UBTD1: variants seen among roughly 807,000 people sequenced by gnomAD.
The protein encoded by UBTD1 is ubiquitin domain-containing protein 1.
In UBTD1, 19 loss-of-function variants were observed where a neutral mutation model predicts 21.7. That is an observed-to-expected ratio of 0.87 (90% CI 0.61 to 1.28). The LOEUF (loss-of-function observed/expected upper bound fraction) is 1.28, where lower values mean the gene tolerates loss of function less well. Among genes scored for constraint, UBTD1 ranks in the 50% most tolerant of loss-of-function variants. UBTD1 has a pLI of 0.00. For synonymous variants in UBTD1, 116 were observed against 135.1 expected (o/e 0.86, Z 0.98); for missense variants, 282 against 315.1 (o/e 0.89, Z 0.80).
At chr10:97,520,978 A>G (rs2040464743) in intron 1 of UBTD1, among the ~76,000 whole-genome samples, 1 of 152,044 alleles carries the variant, frequency 6.6e-6, no homozygotes. Context: ...TATCTCTTCC[A>G]CAATGTTCTA....
chr10:97,546,980 C>T (rs1227915351), intron 1 of UBTD1, among the ~76,000 whole-genome samples: 1 of 152,152 alleles, frequency 6.6e-6, no homozygotes, highest in Non-Finnish European at 1.5e-5. Flanking sequence ...CAAGTCACAT[C>T]ACCTTTCAGC....
Position 97,499,080 on chromosome 10 carries a change from CG to C in UBTD1, c.-118del. On this transcript the variant is annotated 5_prime_UTR_variant, in exon 1 of 3. Transcript: ENST00000370664. Reference sequence around the variant, plus strand: ...CCATCGCTGGGGCTGAGCGCGCCCCCGGGGGGAGATCGGGGAGCGCCCGATG... The same window carrying C: ...CCATCGCTGGGGCTGAGCGCGCCCCCGGGGGAGATCGGGGAGCGCCCGATG... 3.5e-6 allele frequency: 4 copies of C among 1,133,830 alleles called. No individual in the cohort carries two copies. The highest frequency in any genetic ancestry group is 1.2e-6 in the Non-Finnish European group (1 of 823,472). 70.2% of individuals were successfully genotyped at this position (1,133,830 alleles called of 1,614,324 possible).
intron 2 of UBTD1, 35 bp downstream of exon 2, chr10:97,568,176 G>A (rs767820232): frequency 1.2e-6 from 2 of 1,607,010 alleles, no homozygotes; most frequent in Admixed American, 1.7e-5. Flanking sequence ...ATCCCCGCTG[G>A]AGCTAGGGGG....
At chr10:97,513,422 C>T (rs1388263626) in intron 1 of UBTD1, among the ~76,000 whole-genome samples, 3 of 152,078 alleles carry the variant, frequency 2.0e-5, no homozygotes, top group Non-Finnish European at 2.9e-5. Flanking sequence ...TGAGAGAGGT[C>T]CCTGGGAGCT....
At chr10:97,542,076 CCT>C (rs1163405007) in intron 1 of UBTD1, among the ~76,000 whole-genome samples, 1 of 152,182 alleles carries the variant, frequency 6.6e-6, no homozygotes, top group Non-Finnish European at 1.5e-5. Flanking sequence ...TGTTCCAAAG[CCT>C]CTGAGTTGTC....
chr10:97,565,976 A>G (rs2040715306), intron 1 of UBTD1, among the ~76,000 whole-genome samples: 1 of 152,118 alleles, frequency 6.6e-6, no homozygotes, highest in Non-Finnish European at 1.5e-5. Flanking sequence ...GACCTCCCAA[A>G]GTGCTGGGAC....
intron 1 of UBTD1, among the ~76,000 whole-genome samples, chr10:97,517,724 C>A (rs1298955787): frequency 6.6e-6 from 1 of 152,156 alleles, no homozygotes; most frequent in Non-Finnish European, 1.5e-5. Flanking sequence ...AGGCCGGTGA[C>A]CCTGCTGCCA....
At chr10:97,525,871 G>A (rs1201381696) in intron 1 of UBTD1, among the ~76,000 whole-genome samples, 1 of 152,194 alleles carries the variant, frequency 6.6e-6, no homozygotes, top group Admixed American at 6.5e-5. Context: ...ATGTGGTAAT[G>A]TGGACTGAAG....
rs114437857 is a variant in UBTD1, at chr10:97,512,077, C to T, written c.70+12804C>T. Among the ~76,000 whole-genome samples, 1,051 of 152,280 alleles carry T rather than the reference C, an allele frequency of 6.9e-3. 15 individuals are homozygous for T. Among genetic ancestry groups the T allele is most frequent in the African/African-American group, 0.024 (1,001 of 41,538 alleles). On this transcript the variant is annotated intron_variant, in intron 1 of 2. Coordinates refer to ENST00000370664, the MANE Select transcript of UBTD1 (RefSeq NM_024954.5). ...CCAGCTACTGTGTTGGGGAGGGGAA[C>T]ACAGCATGGAGAGTCAGTTCATCTC...
intron 1 of UBTD1, among the ~76,000 whole-genome samples, chr10:97,517,047 G>A (rs978799959): frequency 1.3e-5 from 2 of 152,216 alleles, no homozygotes; most frequent in Admixed American, 6.5e-5. Flanking sequence ...GATGACAGGG[G>A]TAGCTGGGAA....
intron 1 of UBTD1, among the ~76,000 whole-genome samples, chr10:97,543,477 C>T (rs748057188): frequency 4.6e-5 from 7 of 152,164 alleles, no homozygotes; most frequent in African/African-American, 1.4e-4. Flanking sequence ...TCCCAGGACT[C>T]GGCATGTTAG....
chr10:97,566,405 A>G (rs2040717271), intron 1 of UBTD1, among the ~76,000 whole-genome samples: 1 of 152,058 alleles, frequency 6.6e-6, no homozygotes, highest in African/African-American at 2.4e-5. Flanking sequence ...TCACCACCCC[A>G]GGAACACTTT....
At chr10:97,567,870 A>C in intron 1 of UBTD1, 44 bp from the exon 2 acceptor site, 1 of 1,601,862 alleles carries the variant, frequency 6.2e-7, no homozygotes, top group East Asian at 2.2e-5. Context: ...GTTGCAGCTC[A>C]AGTGGCTTTA....
chr10:97,545,066 G>A (rs2040602768), intron 1 of UBTD1, among the ~76,000 whole-genome samples: 1 of 151,922 alleles, frequency 6.6e-6, no homozygotes, highest in Non-Finnish European at 1.5e-5. Context: ...CAAGCATGGT[G>A]GCTCACACCT....
At chr10:97,563,484 G>C (rs919599625) in intron 1 of UBTD1, among the ~76,000 whole-genome samples, 14 of 152,272 alleles carry the variant, frequency 9.2e-5, no homozygotes, top group Non-Finnish European at 1.6e-4. Context: ...TGATAGTGTG[G>C]TGGAGATAGG....
intron 1 of UBTD1, among the ~76,000 whole-genome samples, chr10:97,535,369 A>C (rs181949835): frequency 2.2e-4 from 34 of 152,332 alleles, no homozygotes; most frequent in African/African-American, 8.2e-4. Context: ...TAATCCCAGC[A>C]CTTTGGGAGG....
chr10:97,535,177 C>G (rs1016240720), intron 1 of UBTD1, among the ~76,000 whole-genome samples: 1 of 152,236 alleles, frequency 6.6e-6, no homozygotes, highest in Non-Finnish European at 1.5e-5. Flanking sequence ...GCATCACCAT[C>G]CAGGTTGGCC....
At chr10:97,550,262 T>C (rs2040630698) in intron 1 of UBTD1, among the ~76,000 whole-genome samples, 1 of 152,192 alleles carries the variant, frequency 6.6e-6, no homozygotes, top group South Asian at 2.1e-4. Flanking sequence ...CAGAACTTGG[T>C]AACCGAGTGT....
intron 1 of UBTD1, among the ~76,000 whole-genome samples, chr10:97,507,715 G>T (rs1305873142): frequency 6.9e-6 from 1 of 145,744 alleles, no homozygotes; most frequent in African/African-American, 2.6e-5. Flanking sequence ...GGCGGAGGTT[G>T]CAGTGAGCCA....
Sources: gnomAD v4.1 joint callset for allele counts (sites outside exome capture counted in the v4.1 genomes callset) on GRCh38, gnomAD v4.1.1 for gene constraint, MANE v1.5 for transcripts, NCBI Gene and HGNC (gene_info 2026-07-23, HGNC 2026-07-21) for gene names.